The following CDKL5 variants were observed in gnomAD, a reference collection of about 807,000 sequenced individuals.
CDKL5 encodes cyclin dependent kinase like 5.
A neutral mutation model predicts 61.7 loss-of-function variants in CDKL5; 8 were observed. The ratio of observed to expected loss-of-function variants is 0.13; its 90% CI spans 0.08 to 0.23. The LOEUF (loss-of-function observed/expected upper bound fraction) is 0.23. Among genes scored for constraint, CDKL5 ranks in the 10% least tolerant of loss-of-function variants. The pLI is 1.00. For synonymous variants in CDKL5, 275 were observed against 272.3 expected (o/e 1.01, Z -0.10); for missense variants, 440 against 734.5 (o/e 0.60, Z 4.63).
intron 3 of CDKL5, among the ~76,000 whole-genome samples, chrX:18,539,590 C>T (rs1923952481): frequency 9.0e-6 from 1 of 111,497 alleles, no homozygotes; most frequent in African/African-American, 3.3e-5. Context: ...GATTTCAGCT[C>T]TTTAAAATTT....
intron 15 of CDKL5, 44 bp downstream of exon 15, chrX:18,613,319 A>G: frequency 4.4e-6 from 5 of 1,137,690 alleles, no homozygotes; most frequent in Non-Finnish European, 5.9e-6. Context: ...TTTTAATTGT[A>G]GATTTAAGAG....
intron 1 of CDKL5, among the ~76,000 whole-genome samples, chrX:18,464,527 C>CT (rs947252179): frequency 9.0e-6 from 1 of 111,621 alleles, no homozygotes; most frequent in African/African-American, 3.3e-5. Flanking sequence ...CTGTCTTTCT[C>CT]TTTTTTTTAT....
downstream of CDKL5, chrX:18,644,727 C>T (rs897733621): frequency 1.1e-4 from 94 of 846,887 alleles, no homozygotes; most frequent in South Asian, 1.4e-3. Flanking sequence ...CCAAAGAGCC[C>T]CCTGCCAAGC....
At chrX:18,474,160 C>G (rs1003413118) in intron 1 of CDKL5, among the ~76,000 whole-genome samples, 3 of 111,292 alleles carry the variant, frequency 2.7e-5, no homozygotes, top group African/African-American at 9.8e-5. Flanking sequence ...GCCACCGTGC[C>G]TGGCCCTGGG....
At chrX:18,439,394 G>GGTGTGT (rs752724398) in intron 1 of CDKL5, among the ~76,000 whole-genome samples, 20 of 101,911 alleles carry the variant, frequency 2.0e-4, no homozygotes, top group South Asian at 1.3e-3. Context: ...TTCCATAATA[G>GGTGTGT]GTGTGTGTGT....
intron 7 of CDKL5, 127 bp downstream of exon 7, chrX:18,582,077 T>C (rs1925500528): frequency 5.6e-6 from 3 of 536,941 alleles, no homozygotes; most frequent in Non-Finnish European, 9.7e-6. Flanking sequence ...GAACATTCTT[T>C]TGAGTCACAT....
intron 1 of CDKL5, chrX:18,442,467 T>TTTTTGTTTTGTTTTG (rs60114040): frequency 6.5e-5 from 7 of 107,664 alleles, no homozygotes; most frequent in Admixed American, 9.9e-5. Context: ...TCTGTTGGTT[T>TTTTTGTTTTGTTTTG]TTTTGTTTTG....
chrX:18,482,349 C>G (rs1401086344), intron 1 of CDKL5, among the ~76,000 whole-genome samples: 1 of 111,815 alleles, frequency 8.9e-6, no homozygotes, highest in East Asian at 2.8e-4. Context: ...CTTCATTGCC[C>G]CATCTTGTTT....
chrX:18,632,276 T>C lies in CDKL5; in HGVS notation c.*3519T>C. The C allele has an allele frequency of 1.3e-6, 1 of 754,211 alleles. No individual in the cohort carries two copies. The allele number at this position is 754,211 out of a possible 1,213,427, so 62.2% of individuals were successfully genotyped here. A position where few individuals can be genotyped will look rare whatever the true frequency, so the allele number is the denominator to read the frequency against. ...TTCGTTTCCATTGTCTTGGGCCTGCTAAAAGGTGCATACTTTGGAAGGAGA... is the reference window on the plus strand; with the variant it reads ...TTCGTTTCCATTGTCTTGGGCCTGCCAAAAGGTGCATACTTTGGAAGGAGA... On this transcript the variant is annotated 3_prime_UTR_variant, in exon 18 of 18. Coordinates refer to ENST00000623535, the MANE Select transcript of CDKL5 (RefSeq NM_001323289.2).
chrX:18,510,035 A>G (rs1922769801), intron 2 of CDKL5, among the ~76,000 whole-genome samples: 1 of 108,365 alleles, frequency 9.2e-6, no homozygotes, highest in South Asian at 4.0e-4. Flanking sequence ...AAAAAAAAAG[A>G]GGGGCATTTC....
intron 1 of CDKL5, among the ~76,000 whole-genome samples, chrX:18,450,867 G>A (rs940046695): frequency 1.8e-5 from 2 of 108,664 alleles, no homozygotes; most frequent in African/African-American, 6.7e-5. Flanking sequence ...GAGCCACTGT[G>A]CCCGGCCTTT....
chrX:18,550,280 C>T (rs1924341938), intron 3 of CDKL5, among the ~76,000 whole-genome samples: 1 of 111,498 alleles, frequency 9.0e-6, no homozygotes, highest in African/African-American at 3.3e-5. Context: ...GTATAAGGAA[C>T]CTTGTCTTGG....
intron 1 of CDKL5, among the ~76,000 whole-genome samples, chrX:18,431,677 G>A (rs1194615131): frequency 9.1e-6 from 1 of 109,424 alleles, no homozygotes; most frequent in Non-Finnish European, 1.9e-5. Flanking sequence ...TGCCCACCTC[G>A]GCCTCCCAAA....
chrX:18,544,612 G>C (rs184494311), intron 3 of CDKL5, among the ~76,000 whole-genome samples: 21 of 111,890 alleles, frequency 1.9e-4, no homozygotes, highest in African/African-American at 5.8e-4. Flanking sequence ...CAGAGCTGAA[G>C]TTCTTCTTAC....
At chrX:18,462,464 A>G (rs1031466953) in intron 1 of CDKL5, among the ~76,000 whole-genome samples, 1 of 111,963 alleles carries the variant, frequency 8.9e-6, no homozygotes, top group Non-Finnish European at 1.9e-5. Flanking sequence ...CCTGGGTTTT[A>G]ACTAGTTCTC....
Position 18,625,198 on chromosome X carries a change from G to T in CDKL5, c.2447G>T (p.Ser816Ile). ...ATTCATTCTGCTAGCACTCCAAGCA[G>T]CAGACCAAAGGAGTGGCGCCCCGAG... The part of the protein sequence containing the change: ...KSIHSASTPS[S>I]RPKEWRPEKI... The change falls in exon 17 of 18, where the codon AGC becomes ATC. Residue 816 changes from serine (S) to isoleucine (I), a missense_variant. Physicochemically the swap from Ser to Ile is moderately radical, Grantham distance 142 (BLOSUM62 -2). This residue lies in a region of CDKL5 where 363 missense variants were observed against 516.3 expected (regional missense o/e 0.70). Transcript: ENST00000623535. 2 of 1,207,714 alleles carry T rather than the reference G, an allele frequency of 1.7e-6. No individual in the cohort carries two copies. The highest frequency in any genetic ancestry group is 2.2e-6 in the Non-Finnish European group (2 of 893,237).
At chrX:18,619,109 T>C (rs1358454023) in intron 15 of CDKL5, among the ~76,000 whole-genome samples, 5 of 109,520 alleles carry the variant, frequency 4.6e-5, no homozygotes, top group Non-Finnish European at 7.6e-5. Context: ...GTATCAAGCT[T>C]AATGTCAGTA....
intron 3 of CDKL5, among the ~76,000 whole-genome samples, chrX:18,512,666 A>C (rs757663466): frequency 6.3e-5 from 7 of 111,316 alleles, no homozygotes; most frequent in African/African-American, 2.3e-4. Context: ...TTAAGAATTT[A>C]AAATAATAAA....
chrX:18,516,074 G>A (rs759411966), intron 3 of CDKL5, among the ~76,000 whole-genome samples: 21 of 109,170 alleles, frequency 1.9e-4, no homozygotes, highest in Non-Finnish European at 3.6e-4. Flanking sequence ...TGCAACCTCC[G>A]CTTCCCGGGT....
Sources: gnomAD v4.1 joint callset for allele counts (sites outside exome capture counted in the v4.1 genomes callset) on GRCh38, gnomAD v4.1.1 for gene constraint, gnomAD v4.1.1 regional missense constraint, MANE v1.5 for transcripts, NCBI Gene and HGNC (gene_info 2026-07-23, HGNC 2026-07-21) for gene names.